The following GPATCH8 variants were observed in gnomAD, a reference collection of about 807,000 sequenced individuals.
The protein encoded by GPATCH8 is G-patch domain containing 8.
Under a neutral mutation model 118.3 loss-of-function variants are expected in GPATCH8, and 18 were observed. The ratio of observed to expected loss-of-function variants is 0.15; its 90% CI spans 0.11 to 0.23. GPATCH8 has a LOEUF of 0.23. Ranked by LOEUF, GPATCH8 falls within the 10% of genes least tolerant of loss-of-function variation. The pLI, the probability that GPATCH8 is intolerant of heterozygous loss-of-function variation, is 1.00. For synonymous variants in GPATCH8, 659 were observed against 684.7 expected, an observed-to-expected ratio of 0.96 and a Z score of 0.59; for missense variants, 1,631 against 1,873.8, an observed-to-expected ratio of 0.87 and a Z score of 2.39.
intron 5 of GPATCH8, among the ~76,000 whole-genome samples, chr17:44,428,283 A>G (rs2050162300): frequency 1.3e-5 from 2 of 151,972 alleles, no homozygotes; most frequent in Non-Finnish European, 1.5e-5. Context: ...ACCTGAGGTC[A>G]GGAGTTTGAG....
intron 3 of GPATCH8, among the ~76,000 whole-genome samples, chr17:44,437,267 G>A (rs1254538995): frequency 1.3e-5 from 2 of 152,104 alleles, no homozygotes; most frequent in Non-Finnish European, 2.9e-5. Context: ...AGGACTAGTT[G>A]CGAAGAAAAT....
At chr17:44,498,286 T>C (rs12951852) in intron 1 of GPATCH8, among the ~76,000 whole-genome samples, 5,410 of 152,250 alleles carry the variant, frequency 0.036, 308 homozygotes, top group African/African-American at 0.12. Context: ...CTCGGCATAA[T>C]ACTCTATTTG....
rs545222655 is a variant in GPATCH8, at chr17:44,458,533, C to T, written c.193+5939G>A. The stretch of plus-strand genomic sequence containing the variant: ...TGAAATATAGCCAAACTTATCCTTT[C>T]CTTTTTTTGAGACAGGCTTGCTCTG... On this transcript the variant is annotated intron_variant, in intron 3 of 7. Transcript: ENST00000591680. 5.3e-5 allele frequency among the ~76,000 whole-genome samples: 8 copies of T among 152,198 alleles called. No individual in the cohort carries two copies. The South Asian group carries it at 1.2e-3, about 24-fold the overall frequency.
At chr17:44,421,222 T>A (rs549510642) in intron 6 of GPATCH8, among the ~76,000 whole-genome samples, 2 of 151,888 alleles carry the variant, frequency 1.3e-5, no homozygotes, top group East Asian at 4.0e-4. Context: ...ATGCCTGTAA[T>A]TCCAGCTACT....
chr17:44,421,746 A>ATTT (rs1170398227), intron 6 of GPATCH8, among the ~76,000 whole-genome samples: 3 of 146,078 alleles, frequency 2.1e-5, no homozygotes, highest in African/African-American at 7.8e-5. Context: ...TTTTTTTTTG[A>ATTT]GACAGGGTCT....
chr17:44,474,805 G>T, intron 2 of GPATCH8, 24 bp downstream of exon 2: 1 of 1,312,306 alleles, frequency 7.6e-7, no homozygotes, highest in Non-Finnish European at 1.1e-6. Flanking sequence ...GCTAAGACCC[G>T]AAATTAAGCA....
Position 44,400,135 on chromosome 17 carries a change from C to T in GPATCH8, c.1942G>A (p.Gly648Arg). 6.2e-7 allele frequency: 1 copy of T among 1,614,024 alleles called. No homozygotes were observed. The highest frequency in any genetic ancestry group is 8.5e-7 in the Non-Finnish European group (1 of 1,180,024). The stretch of plus-strand genomic sequence containing the variant: ...TCTGTCTCAGACCCATGGCTACCCC[C>T]AGGCTCCTGCTTGTTCAGGCCGCTA... ...ACSGLNKQEPGGSHGSETEDT... is the reference protein window; with the variant it reads ...ACSGLNKQEPRGSHGSETEDT... The change falls in exon 8 of 8, where the codon GGG becomes AGG. Residue 648 changes from glycine to arginine, a missense_variant. Gly to Arg is a moderately radical substitution (Grantham distance 125). Transcript: ENST00000591680.
chr17:44,474,887 T>C lies in GPATCH8; in HGVS notation c.62A>G (p.Gln21Arg). 1.3e-6 allele frequency: 2 copies of C among 1,538,070 alleles called. No homozygotes were observed. The highest frequency in any genetic ancestry group is 1.8e-6 in the Non-Finnish European group (2 of 1,110,922). ...AATTTCCAAGTGTCCTTCCTCATACTGATCAAAGTGATTACCCTGAAAAAA... is the reference window on the plus strand; with the variant it reads ...AATTTCCAAGTGTCCTTCCTCATACCGATCAAAGTGATTACCCTGAAAAAA... ...DRDFQGNHFD[Q>R]YEEGHLEIEQ... Residue 21 changes from glutamine (Q) to arginine (R), a missense_variant, in exon 2 of 8, where the codon CAG becomes CGG. By Grantham distance (43) the Gln-to-Arg change is conservative. This residue lies in a region of GPATCH8 where 28 missense variants were observed against 33.9 expected (regional missense o/e 0.83). Coordinates refer to ENST00000591680, the MANE Select transcript of GPATCH8 (RefSeq NM_001002909.4).
chr17:44,430,651 T>G (rs2050272690), intron 5 of GPATCH8, among the ~76,000 whole-genome samples: 1 of 152,030 alleles, frequency 6.6e-6, no homozygotes, highest in Non-Finnish European at 1.5e-5. Flanking sequence ...TTGCATTTTT[T>G]TTTTTGAGAT....
intron 6 of GPATCH8, among the ~76,000 whole-genome samples, chr17:44,407,810 C>G (rs2049289551): frequency 6.6e-6 from 1 of 152,044 alleles, no homozygotes; most frequent in African/African-American, 2.4e-5. Flanking sequence ...GCGTGAACCC[C>G]TATGCTTGGC....
intron 6 of GPATCH8, among the ~76,000 whole-genome samples, chr17:44,415,575 G>C (rs1036654223): frequency 1.3e-5 from 2 of 152,172 alleles, no homozygotes; most frequent in Non-Finnish European, 2.9e-5. Context: ...TGGGGACAAA[G>C]ATTTGCCCCA....
chr17:44,453,530 T>TGTGTGTGTGTGTGCGTGC (rs1052518435), intron 3 of GPATCH8, among the ~76,000 whole-genome samples: 1 of 150,452 alleles, frequency 6.6e-6, no homozygotes, highest in Non-Finnish European at 1.5e-5. Context: ...TGTGTGTGTG[T>TGTGTGTGTGTGTGCGTGC]GCAGGCGCGC....
chr17:44,462,288 G>A (rs947083960), intron 3 of GPATCH8, among the ~76,000 whole-genome samples: 2 of 152,142 alleles, frequency 1.3e-5, no homozygotes, highest in African/African-American at 4.8e-5. Context: ...TTTCAAATTG[G>A]AGAGAAAAGC....
At chr17:44,495,875 T>G (rs1410500113) in intron 1 of GPATCH8, among the ~76,000 whole-genome samples, 2 of 152,220 alleles carry the variant, frequency 1.3e-5, no homozygotes, top group African/African-American at 2.4e-5. Flanking sequence ...TTTTTTGTTT[T>G]GTTTGGTTTT....
In GPATCH8 at chr17:44,399,580, G is replaced by A. The variant is rs773480013; in HGVS notation, c.2497C>T (p.Pro833Ser). 1.9e-6 allele frequency: 3 copies of A among 1,614,178 alleles called. No individual in the cohort carries two copies. The highest frequency in any genetic ancestry group is 2.5e-6 in the Non-Finnish European group (3 of 1,180,020). Residue 833 changes from proline to serine, a missense_variant, in exon 8 of 8, where the codon CCA (proline) becomes TCA (serine). By Grantham distance (74) the Pro-to-Ser change is moderately conservative. Coordinates refer to ENST00000591680, the MANE Select transcript of GPATCH8 (RefSeq NM_001002909.4). ...TCTTCTTCCTCACTGTACTGGGATGGAGACTTCTGGTGCAGCCGGTGTGAG... is the reference window on the plus strand; with the variant it reads ...TCTTCTTCCTCACTGTACTGGGATGAAGACTTCTGGTGCAGCCGGTGTGAG... ...ASSHRLHQKSPSQYSEEEEEE... is the reference protein window; with the variant it reads ...ASSHRLHQKSSSQYSEEEEEE...
At chr17:44,476,999 T>G (rs577132256) in intron 1 of GPATCH8, among the ~76,000 whole-genome samples, 6 of 152,226 alleles carry the variant, frequency 3.9e-5, no homozygotes, top group Non-Finnish European at 8.8e-5. Context: ...AGTCCCACAA[T>G]GACCTAAATC....
chr17:44,399,288 G>C lies in GPATCH8; in HGVS notation c.2789C>G (p.Ser930Cys), dbSNP rs201659743. The C allele has an allele frequency of 1.2e-6, 2 of 1,614,022 alleles. No individual in the cohort carries two copies. Among genetic ancestry groups the C allele is most frequent in the Non-Finnish European group, 1.7e-6 (2 of 1,179,860 alleles). ...ACTGAGGCTATAGTCATCATCAGAA[G>C]ATGAATATTTGTGCCGTTTTGATCG... ...KHRSKRHKYS[S>C]SDDDYSLSCS... Residue 930 changes from serine to cysteine, a missense_variant, in exon 8 of 8, where the codon TCT becomes TGT. Transcript: ENST00000591680.
intron 6 of GPATCH8, among the ~76,000 whole-genome samples, chr17:44,408,176 C>T (rs909734183): frequency 6.6e-6 from 1 of 151,890 alleles, no homozygotes; most frequent in Non-Finnish European, 1.5e-5. Context: ...GTTCTTCTCA[C>T]ATCTGCCATT....
intron 3 of GPATCH8, among the ~76,000 whole-genome samples, chr17:44,462,492 C>G (rs554446040): frequency 1.6e-4 from 24 of 152,194 alleles, no homozygotes; most frequent in Non-Finnish European, 2.2e-4. Context: ...TCAGAGTATT[C>G]TTTGTATTGT....
Sources: gnomAD v4.1 joint callset for allele counts (sites outside exome capture counted in the v4.1 genomes callset) on GRCh38, gnomAD v4.1.1 for gene constraint, gnomAD v4.1.1 regional missense constraint, MANE v1.5 for transcripts, NCBI Gene and HGNC (gene_info 2026-07-23, HGNC 2026-07-21) for gene names.